NLK: variants seen among roughly 807,000 people sequenced by gnomAD.
NLK encodes serine/threonine-protein kinase NLK.
A neutral mutation model predicts 59.0 loss-of-function variants in NLK; 11 were observed. That is an observed-to-expected ratio of 0.19 (90% CI 0.12 to 0.31). NLK has a LOEUF of 0.31. NLK is among the 10% of genes least tolerant of loss of function. The pLI, the probability that NLK is intolerant of heterozygous loss-of-function variation, is 1.00. For missense variants in NLK, 410 were observed against 661.1 expected (o/e 0.62, Z 4.16); for synonymous variants, 235 against 235.9 (o/e 1.00, Z 0.03).
chr17:28,102,459 G>T (rs1274771646), intron 1 of NLK, among the ~76,000 whole-genome samples: 1 of 151,768 alleles, frequency 6.6e-6, no homozygotes, highest in Non-Finnish European at 1.5e-5. Flanking sequence ...GACTATCCTG[G>T]GCAACATGGT....
chr17:28,168,807 T>C, intron 6 of NLK, 150 bp downstream of exon 6: 2 of 625,776 alleles, frequency 3.2e-6, no homozygotes, highest in Non-Finnish European at 5.6e-6. Context: ...AGTTATAAAG[T>C]TGAAGATTAC....
intron 5 of NLK, among the ~76,000 whole-genome samples, chr17:28,167,358 T>G (rs1908277684): frequency 6.6e-6 from 1 of 150,848 alleles, no homozygotes; most frequent in Non-Finnish European, 1.5e-5. Flanking sequence ...CACCTCAGCC[T>G]CCAGAGTAGC....
chr17:28,164,554 T>C (rs1231826548), intron 5 of NLK, among the ~76,000 whole-genome samples: 1 of 152,138 alleles, frequency 6.6e-6, no homozygotes, highest in Non-Finnish European at 1.5e-5. Context: ...TTCTCTTCCC[T>C]AGTACAGCCA....
At chr17:28,064,035 A>C (rs1308464355) in intron 1 of NLK, among the ~76,000 whole-genome samples, 1 of 152,168 alleles carries the variant, frequency 6.6e-6, no homozygotes, top group East Asian at 1.9e-4. Context: ...ACGAGTTTGC[A>C]ACACTTTTAG....
At chr17:28,143,087 A>G (rs2142031036) in intron 3 of NLK, among the ~76,000 whole-genome samples, 1 of 147,138 alleles carries the variant, frequency 6.8e-6, no homozygotes, top group African/African-American at 2.5e-5. Flanking sequence ...TCTGTCACCC[A>G]GGGAGAAGTA....
At position 28,188,980 on chromosome 17, in the gene NLK, G is replaced by GACACAC. The variant is rs57423093; in HGVS notation, c.1237-2014_1237-2009dup. On this transcript the variant is annotated intron_variant, in intron 8 of 10. Transcript: ENST00000407008. Reference sequence around the variant, plus strand: ...AGATACACATACACAGACAAACACAGACACACACACACACACACACACACA... The same window carrying GACACAC: ...AGATACACATACACAGACAAACACAGACACACACACACACACACACACACACACACA... Among the ~76,000 whole-genome samples the GACACAC allele has an allele frequency of 7.0e-3, 996 of 142,618 alleles. 7 individuals carry two copies. Among genetic ancestry groups the GACACAC allele is most frequent in the African/African-American group, 0.024 (947 of 39,180 alleles). 93.6% of individuals were successfully genotyped at this position (142,618 alleles called of 152,430 possible).
chr17:28,113,877 A>T (rs1905635818), intron 1 of NLK, among the ~76,000 whole-genome samples: 1 of 152,058 alleles, frequency 6.6e-6, no homozygotes, highest in Admixed American at 6.6e-5. Flanking sequence ...CCTAACTTTT[A>T]TGCTAACTAC....
At chr17:28,089,202 A>AT in intron 1 of NLK, among the ~76,000 whole-genome samples, 1 of 152,138 alleles carries the variant, frequency 6.6e-6, no homozygotes, top group Non-Finnish European at 1.5e-5. Flanking sequence ...ATCACCACAA[A>AT]TTCCTCTACC....
At chr17:28,115,954 T>G (rs1051875291) in intron 1 of NLK, among the ~76,000 whole-genome samples, 4 of 152,150 alleles carry the variant, frequency 2.6e-5, no homozygotes, top group Admixed American at 1.3e-4. Context: ...ACCCACCACC[T>G]AGATTCAGTA....
chr17:28,098,166 A>T (rs1234912137), intron 1 of NLK, among the ~76,000 whole-genome samples: 1 of 152,182 alleles, frequency 6.6e-6, no homozygotes, highest in East Asian at 1.9e-4. Context: ...TTCTTTATCT[A>T]CCACAGGGCA....
chr17:28,165,539 C>G (rs1908186719), intron 5 of NLK, among the ~76,000 whole-genome samples: 2 of 152,214 alleles, frequency 1.3e-5, no homozygotes, highest in African/African-American at 4.8e-5. Flanking sequence ...GTTCTTTCTT[C>G]TCAAACATAC....
rs1256763322 is a variant in NLK, at chr17:28,193,491, C to T, written c.1530-1091C>T. Among the ~76,000 whole-genome samples, 3 of 152,146 alleles carry T rather than the reference C, an allele frequency of 2.0e-5. No homozygotes were observed. The East Asian group carries it at 5.8e-4, about 29-fold the overall frequency. The stretch of plus-strand genomic sequence containing the variant: ...AAGGAAGGGAGACTGCTTCCTGATG[C>T]TACAGCCTTGCAAATGCCCTTCCAG... On this transcript the variant is annotated intron_variant, in intron 10 of 10. Transcript: ENST00000407008.
chr17:28,044,806 A>G (rs1385347301), intron 1 of NLK, among the ~76,000 whole-genome samples: 2 of 152,202 alleles, frequency 1.3e-5, no homozygotes, highest in Non-Finnish European at 2.9e-5. Flanking sequence ...TGATTTACTA[A>G]TAACTTTTAG....
At chr17:28,188,063 C>T (rs1014572808) in intron 8 of NLK, among the ~76,000 whole-genome samples, 1 of 151,968 alleles carries the variant, frequency 6.6e-6, no homozygotes, top group African/African-American at 2.4e-5. Context: ...ATTAGCTGGG[C>T]GTGGTAGCAC....
At chr17:28,096,849 A>G (rs1440900939) in intron 1 of NLK, among the ~76,000 whole-genome samples, 2 of 152,220 alleles carry the variant, frequency 1.3e-5, no homozygotes, top group East Asian at 1.9e-4. Context: ...CAGATAGAGA[A>G]TTGCTTCCTT....
rs1427960360 is a variant in NLK, at chr17:28,071,769, T to C, written c.458+28438T>C. Among the ~76,000 whole-genome samples the C allele has an allele frequency of 2.6e-5, 4 of 152,346 alleles. No homozygotes were observed. In the East Asian group the frequency reaches 7.7e-4, roughly 29 times the overall value. On this transcript the variant is annotated intron_variant, in intron 1 of 10. Transcript: ENST00000407008. The stretch of plus-strand genomic sequence containing the variant: ...CATCAGAAAGAATTGGCAGAACAGG[T>C]CTGGAGAGCCTCAGGTTTTAATTAA...
At chr17:28,078,932 G>A (rs967383531) in intron 1 of NLK, among the ~76,000 whole-genome samples, 2 of 152,098 alleles carry the variant, frequency 1.3e-5, no homozygotes, top group African/African-American at 4.8e-5. Context: ...ATTTAAAAAT[G>A]TACAGTATAG....
chr17:28,092,571 T>A (rs1040623699), intron 1 of NLK, among the ~76,000 whole-genome samples: 4 of 152,082 alleles, frequency 2.6e-5, no homozygotes, highest in Admixed American at 1.3e-4. Context: ...TTAAAGCTGT[T>A]CCACCCTCAG....
intron 1 of NLK, among the ~76,000 whole-genome samples, chr17:28,056,730 A>T (rs1212052717): frequency 2.6e-5 from 4 of 152,114 alleles, no homozygotes; most frequent in Admixed American, 2.6e-4. Flanking sequence ...TCTTCCACCT[A>T]TTTTTTGAAA....
Sources: gnomAD v4.1 joint callset for allele counts (sites outside exome capture counted in the v4.1 genomes callset) on GRCh38, gnomAD v4.1.1 for gene constraint, MANE v1.5 for transcripts, NCBI Gene and HGNC (gene_info 2026-07-23, HGNC 2026-07-21) for gene names.